Variants in FCHSD2 observed in about 807,000 individuals in gnomAD.
FCHSD2 encodes FCH and double SH3 domains 2.
Under a neutral mutation model 108.1 loss-of-function variants are expected in FCHSD2, and 38 were observed. The ratio of observed to expected loss-of-function variants is 0.35; its 90% CI spans 0.27 to 0.46. The LOEUF is 0.46. Ranked by LOEUF, FCHSD2 falls within the 20% of genes least tolerant of loss-of-function variation. FCHSD2 has a pLI of 1.00. For synonymous variants in FCHSD2, 279 were observed against 314.7 expected, an observed-to-expected ratio of 0.89 and a Z score of 1.20; for missense variants, 751 against 897.8, an observed-to-expected ratio of 0.84 and a Z score of 2.09.
intron 3 of FCHSD2, among the ~76,000 whole-genome samples, chr11:73,063,775 T>C (rs79443180): frequency 3.3e-5 from 5 of 152,030 alleles, no homozygotes; most frequent in Admixed American, 3.3e-4. Flanking sequence ...TACAGGAGCA[T>C]CCAGATTCAT....
chr11:72,986,077 T>C (rs1409575876), intron 6 of FCHSD2, among the ~76,000 whole-genome samples: 2 of 152,188 alleles, frequency 1.3e-5, no homozygotes, highest in Admixed American at 6.5e-5. Flanking sequence ...CAGCCTCTTA[T>C]TTTTCTAACA....
At chr11:73,073,946 AG>A (rs1468668737) in intron 3 of FCHSD2, among the ~76,000 whole-genome samples, 2 of 152,304 alleles carry the variant, frequency 1.3e-5, no homozygotes, top group African/African-American at 4.8e-5. Context: ...TCAAAATATC[AG>A]GCAGCATATG....
chr11:73,005,608 T>G (rs566499344), intron 4 of FCHSD2, among the ~76,000 whole-genome samples: 101 of 152,298 alleles, frequency 6.6e-4, no homozygotes, highest in South Asian at 4.6e-3. Flanking sequence ...CTACATTCAC[T>G]CTGTTGAAAA....
At chr11:72,959,970 T>A (rs12418733) in intron 8 of FCHSD2, among the ~76,000 whole-genome samples, 10,522 of 152,000 alleles carry the variant, frequency 0.069, 496 homozygotes, top group South Asian at 0.15. Context: ...AGCACAGATA[T>A]ATAGGAAGAA....
chr11:73,054,068 G>A (rs998724371), intron 3 of FCHSD2, among the ~76,000 whole-genome samples: 1 of 152,118 alleles, frequency 6.6e-6, no homozygotes, highest in Admixed American at 6.5e-5. Flanking sequence ...CCTGCTGTCT[G>A]TTTCACTAAA....
intron 13 of FCHSD2, among the ~76,000 whole-genome samples, chr11:72,859,854 TA>T (rs1861524093): frequency 6.6e-6 from 1 of 151,894 alleles, no homozygotes; most frequent in South Asian, 2.1e-4. Flanking sequence ...CCTAAAAGAG[TA>T]AAAACTTCAT....
intron 13 of FCHSD2, among the ~76,000 whole-genome samples, chr11:72,867,330 G>A (rs572816824): frequency 1.6e-4 from 24 of 152,294 alleles, no homozygotes; most frequent in African/African-American, 5.1e-4. Context: ...TGGACTTGAA[G>A]TAAGGAGACT....
intron 17 of FCHSD2, among the ~76,000 whole-genome samples, chr11:72,841,798 T>C (rs1012723591): frequency 6.6e-6 from 1 of 152,224 alleles, no homozygotes; most frequent in Non-Finnish European, 1.5e-5. Context: ...TCTCATCACA[T>C]TACTGATTTT....
At chr11:72,872,221 A>T (rs1854875046) in intron 12 of FCHSD2, among the ~76,000 whole-genome samples, 1 of 151,674 alleles carries the variant, frequency 6.6e-6, no homozygotes, top group South Asian at 2.1e-4. Context: ...TTTTTTTGGT[A>T]AAACTTTATT....
intron 2 of FCHSD2, among the ~76,000 whole-genome samples, chr11:73,095,159 C>A (rs1184745072): frequency 1.3e-5 from 2 of 152,074 alleles, no homozygotes; most frequent in Non-Finnish European, 2.9e-5. Context: ...AATTAGGTGA[C>A]CTTGAGCGAG....
intron 5 of FCHSD2, among the ~76,000 whole-genome samples, chr11:72,999,989 G>C (rs1857595568): frequency 6.6e-6 from 1 of 152,068 alleles, no homozygotes; most frequent in Non-Finnish European, 1.5e-5. Flanking sequence ...TTTTGGCAAA[G>C]ATAAAACACA....
chr11:73,068,845 A>G (rs1323539105), intron 3 of FCHSD2, among the ~76,000 whole-genome samples: 1 of 151,028 alleles, frequency 6.6e-6, no homozygotes, highest in East Asian at 1.9e-4. Flanking sequence ...AAAAGAAAAA[A>G]AAATTAAAAA....
At chr11:73,033,477 T>C (rs1379704472) in intron 3 of FCHSD2, among the ~76,000 whole-genome samples, 1 of 152,080 alleles carries the variant, frequency 6.6e-6, no homozygotes, top group African/African-American at 2.4e-5. Flanking sequence ...TCTCCGCTTA[T>C]AAACATACTC....
At chr11:72,940,553 T>C (rs1856394920) in intron 8 of FCHSD2, 5 of 1,081,502 alleles carry the variant, frequency 4.6e-6, no homozygotes, top group African/African-American at 4.5e-5. Context: ...TCTCATGTCA[T>C]GCGCTTTCTT....
intron 13 of FCHSD2, among the ~76,000 whole-genome samples, chr11:72,859,171 C>T (rs1362892118): frequency 1.3e-5 from 2 of 152,102 alleles, no homozygotes; most frequent in Non-Finnish European, 2.9e-5. Flanking sequence ...ACCCAGTCAA[C>T]CATGATCTGA....
intron 9 of FCHSD2, among the ~76,000 whole-genome samples, chr11:72,920,780 A>C (rs1305812049): frequency 6.6e-6 from 1 of 152,190 alleles, no homozygotes; most frequent in East Asian, 1.9e-4. Flanking sequence ...GTTTTACTAC[A>C]TTTTCCTTTT....
intron 5 of FCHSD2, among the ~76,000 whole-genome samples, chr11:72,993,057 T>C (rs1857448874): frequency 6.6e-6 from 1 of 151,808 alleles, no homozygotes; most frequent in Admixed American, 6.6e-5. Flanking sequence ...CAAACAAATT[T>C]ACAAGAAAAA....
chr11:73,082,335 C>CCAAAA (rs1466695525), intron 3 of FCHSD2, among the ~76,000 whole-genome samples: 7 of 34,460 alleles, frequency 2.0e-4, no homozygotes, highest in African/African-American at 7.5e-4. Flanking sequence ...AGACTTGTCC[C>CCAAAA]AAAAAAAAAA....
chr11:73,099,098 C>A (rs1419338088), intron 2 of FCHSD2, among the ~76,000 whole-genome samples: 2 of 150,700 alleles, frequency 1.3e-5, no homozygotes, highest in Non-Finnish European at 2.9e-5. Flanking sequence ...TGCCTATTGT[C>A]CCAGCTACTC....
Sources: gnomAD v4.1 joint callset for allele counts (sites outside exome capture counted in the v4.1 genomes callset) on GRCh38, gnomAD v4.1.1 for gene constraint, MANE v1.5 for transcripts, NCBI Gene and HGNC (gene_info 2026-07-23, HGNC 2026-07-21) for gene names.